Variants in PCNX2 observed in about 807,000 individuals in gnomAD.
The protein encoded by PCNX2 is pecanex 2.
PCNX2 carries 168 observed loss-of-function variants against 223.8 expected under a neutral mutation model. The ratio of observed to expected loss-of-function variants is 0.75; its 90% confidence interval spans 0.66 to 0.85. The LOEUF (loss-of-function observed/expected upper bound fraction) is 0.85. PCNX2 is among the 40% of genes least tolerant of loss of function. The pLI is 0.00. For missense variants in PCNX2, 2,507 were observed against 2,675.5 expected (o/e 0.94, Z 1.39); for synonymous variants, 1,006 against 1,052.6 (o/e 0.96, Z 0.86).
intron 21 of PCNX2, among the ~76,000 whole-genome samples, chr1:233,104,807 A>ACT (rs35538488): frequency 0.17 from 25,632 of 152,164 alleles, 2,246 homozygotes; most frequent in East Asian, 0.25. Context: ...TATCATGCAC[A>ACT]GTTTTACAAT....
At chr1:233,324,943 A>T in the PCNX2 span, among the ~76,000 whole-genome samples, 1 of 152,170 alleles carries the variant, frequency 6.6e-6, no homozygotes, top group East Asian at 1.9e-4. Context: ...GAAAAAAATG[A>T]TTCTTTTCAA....
At chr1:233,101,540 T>C (rs1208553798) in intron 21 of PCNX2, among the ~76,000 whole-genome samples, 1 of 152,168 alleles carries the variant, frequency 6.6e-6, no homozygotes, top group Non-Finnish European at 1.5e-5. Context: ...CATCAGACTT[T>C]GCAAAATATT....
In PCNX2 at chr1:233,172,628, C is replaced by T. The variant is rs992177900; in HGVS notation, c.3273+5174G>A. ...GCTTCAATTCCTGTTCTCCATAGTT[C>T]GAGGTCTGAAAAACAAGGCTTAAGG... On this transcript the variant is annotated intron_variant, in intron 17 of 33. Transcript: ENST00000258229. 16 of 881,086 alleles carry T rather than the reference C, an allele frequency of 1.8e-5. No individual in the cohort carries two copies. In the African/African-American group the frequency reaches 2.2e-4, roughly 12 times the overall value. The allele number at this position is 881,086 out of a possible 1,614,324, so 54.6% of individuals were successfully genotyped here.
chr1:232,984,495 GA>G lies in PCNX2; in HGVS notation c.6241-19del. 1 of 1,609,368 alleles carries G rather than the reference GA, an allele frequency of 6.2e-7. No individual in the cohort carries two copies. Among genetic ancestry groups the G allele is most frequent in the South Asian group, 1.1e-5 (1 of 90,484 alleles). ...GAGAGGTGCTTCCAAAGAGAAGAGAGAAACAGTGAACAGCTCAGCAAACGTT... is the reference window on the plus strand; with the variant it reads ...GAGAGGTGCTTCCAAAGAGAAGAGAGAACAGTGAACAGCTCAGCAAACGTT... On this transcript the variant is annotated intron_variant, in intron 33 of 33. Transcript: ENST00000258229.
chr1:233,189,064 T>G (rs1015812442), intron 15 of PCNX2, among the ~76,000 whole-genome samples: 12 of 152,192 alleles, frequency 7.9e-5, no homozygotes, highest in Admixed American at 7.2e-4. Context: ...ACAGGAACTT[T>G]TAGCCAGGCA....
chr1:233,012,144 A>C (rs1194917549), intron 28 of PCNX2, among the ~76,000 whole-genome samples: 1 of 152,240 alleles, frequency 6.6e-6, no homozygotes, highest in Non-Finnish European at 1.5e-5. Context: ...TTGTGTGAGA[A>C]GAGAGGAAAA....
At chr1:233,256,117 A>G (rs1659720274) in intron 5 of PCNX2, among the ~76,000 whole-genome samples, 1 of 152,168 alleles carries the variant, frequency 6.6e-6, no homozygotes, top group Non-Finnish European at 1.5e-5. Context: ...AGAATACCTC[A>G]TATCTCCCTG....
chr1:233,267,449 G>A (rs559145985), intron 1 of PCNX2, among the ~76,000 whole-genome samples: 4 of 152,094 alleles, frequency 2.6e-5, no homozygotes, highest in East Asian at 1.9e-4. Context: ...GTGTGCTACC[G>A]TCACCACCAT....
At chr1:233,066,023 TC>T (rs988344719) in intron 23 of PCNX2, among the ~76,000 whole-genome samples, 2 of 152,018 alleles carry the variant, frequency 1.3e-5, no homozygotes, top group Non-Finnish European at 2.9e-5. Context: ...CAGCATGCAC[TC>T]CCCCATTCCG....
chr1:233,217,978 A>C, intron 11 of PCNX2, 47 bp from the exon 12 acceptor site: 1 of 1,613,416 alleles, frequency 6.2e-7, no homozygotes, highest in Non-Finnish European at 8.5e-7. Context: ...CATGATTTCA[A>C]GGCTACATTA....
chr1:233,112,609 TC>T (rs1259525248), intron 21 of PCNX2, among the ~76,000 whole-genome samples: 1 of 152,216 alleles, frequency 6.6e-6, no homozygotes, highest in Non-Finnish European at 1.5e-5. Context: ...CAGTGAGAAT[TC>T]TCTCTTTCAG....
chr1:233,016,938 C>T lies in PCNX2; in HGVS notation c.4822G>A (p.Ala1608Thr), dbSNP rs774843785. Residue 1608 changes from alanine to threonine, a missense_variant, in exon 27 of 34, where the codon GCA becomes ACA. By Grantham distance (58) the Ala-to-Thr change is moderately conservative. Transcript: ENST00000258229. Reference protein sequence around the residue: ...NVYLEWIQHCARKRQEPSTTL... With the variant: ...NVYLEWIQHCTRKRQEPSTTL... Reference sequence around the variant, plus strand: ...TGACCTACCTCTTGTCTTTTCCGTGCACAGTGTTGAATCCATTCTAGATAA... The same window carrying T: ...TGACCTACCTCTTGTCTTTTCCGTGTACAGTGTTGAATCCATTCTAGATAA... 44 of 1,605,194 alleles carry T rather than the reference C, an allele frequency of 2.7e-5. No homozygotes were observed. The highest frequency in any genetic ancestry group is 3.8e-5 in the Non-Finnish European group (44 of 1,172,356).
chr1:233,144,740 T>C (rs912064327), intron 19 of PCNX2, among the ~76,000 whole-genome samples: 1 of 152,184 alleles, frequency 6.6e-6, no homozygotes, highest in African/African-American at 2.4e-5. Flanking sequence ...TATATGTCTT[T>C]TCCTTATTGA....
intron 9 of PCNX2, chr1:233,232,935 C>A: frequency 8.1e-6 from 8 of 984,786 alleles, no homozygotes; most frequent in Non-Finnish European, 9.6e-6. Flanking sequence ...AAAACACTTT[C>A]ACATACAATA....
At chr1:233,196,414 A>T (rs1680738450) in intron 15 of PCNX2, among the ~76,000 whole-genome samples, 1 of 152,060 alleles carries the variant, frequency 6.6e-6, no homozygotes, top group African/African-American at 2.4e-5. Flanking sequence ...TATACTGTTA[A>T]AAAAATGAGA....
chr1:233,056,056 A>G (rs1014698625), intron 24 of PCNX2, among the ~76,000 whole-genome samples: 1 of 152,224 alleles, frequency 6.6e-6, no homozygotes, highest in African/African-American at 2.4e-5. Flanking sequence ...TGATTAATGG[A>G]AAGAAACTGT....
intron 23 of PCNX2, among the ~76,000 whole-genome samples, chr1:233,074,742 C>A (rs1025683583): frequency 2.6e-5 from 4 of 151,068 alleles, no homozygotes; most frequent in East Asian, 3.9e-4. Context: ...AAAAAAAGTC[C>A]AATTAGAAAA....
intron 13 of PCNX2, among the ~76,000 whole-genome samples, chr1:233,206,543 T>C (rs1202528160): frequency 1.3e-5 from 2 of 151,988 alleles, no homozygotes; most frequent in Non-Finnish European, 2.9e-5. Context: ...TTCCAACTGA[T>C]AGGACTGAAA....
chr1:233,310,526 A>G, the PCNX2 span, among the ~76,000 whole-genome samples: 2 of 152,298 alleles, frequency 1.3e-5, no homozygotes, highest in African/African-American at 4.8e-5. Context: ...CGGCTATGCA[A>G]CTGAGTTCTG....
Sources: gnomAD v4.1 joint callset for allele counts (sites outside exome capture counted in the v4.1 genomes callset) on GRCh38, gnomAD v4.1.1 for gene constraint, MANE v1.5 for transcripts, NCBI Gene and HGNC (gene_info 2026-07-23, HGNC 2026-07-21) for gene names.